The following NDUFA10 variants were observed in gnomAD, a reference collection of about 807,000 sequenced individuals.
The protein encoded by NDUFA10 is NADH dehydrogenase [ubiquinone] 1 alpha subcomplex subunit 10, mitochondrial.
In NDUFA10, 40 loss-of-function variants were observed where a neutral mutation model predicts 47.8. The ratio of observed to expected loss-of-function variants is 0.84; its 90% CI spans 0.65 to 1.09. The LOEUF (loss-of-function observed/expected upper bound fraction) is 1.09, where lower values mean the gene tolerates loss of function less well. NDUFA10 is among the 50% of genes least tolerant of loss of function. The probability of loss-of-function intolerance (pLI) is 0.00; values close to 1 mark genes in which losing one functional copy is unlikely to be tolerated. For synonymous variants in NDUFA10, 183 were observed against 172.2 expected, an observed-to-expected ratio of 1.06 and a Z score of -0.49; for missense variants, 413 against 451.1, an observed-to-expected ratio of 0.92 and a Z score of 0.76.
rs7598688 is a variant in NDUFA10 at position 239,945,210 on chromosome 2, C to A, written c.294+44864G>T. On this transcript the variant is annotated intron_variant, in intron 4 of 5. Coordinates refer to the NDUFA10 transcript ENST00000419408. The surrounding 1 kb of genome is among the most constrained non-coding windows in gnomAD (Gnocchi z 4.6). Reference sequence around the variant, plus strand: ...AATGACAAGCCACTTCTCAGGTCACCGGCAGGCGTTGAGCAGGCCGCTCTG... The same window carrying A: ...AATGACAAGCCACTTCTCAGGTCACAGGCAGGCGTTGAGCAGGCCGCTCTG... Among the ~76,000 whole-genome samples, 4,056 of 152,282 alleles carry A rather than the reference C, an allele frequency of 0.027. 184 individuals carry two copies. The highest frequency in any genetic ancestry group is 0.089 in the African/African-American group (3,716 of 41,538).
chr2:239,948,233 A>C (rs1694490535), intron 4 of NDUFA10, among the ~76,000 whole-genome samples: 1 of 152,220 alleles, frequency 6.6e-6, no homozygotes, highest in Non-Finnish European at 1.5e-5. Flanking sequence ...TCCCAGCCTC[A>C]GCCACGCATT....
At chr2:239,913,067 G>GA (rs34313648) in intron 4 of NDUFA10, among the ~76,000 whole-genome samples, 28,844 of 152,182 alleles carry the variant, frequency 0.19, 3,247 homozygotes, top group African/African-American at 0.31. Context: ...GCCACTCGGG[G>GA]CCACTGCTGA....
intron 4 of NDUFA10, among the ~76,000 whole-genome samples, chr2:239,914,229 CACAA>C (rs1470452088): frequency 6.7e-6 from 1 of 150,160 alleles, no homozygotes; most frequent in African/African-American, 2.5e-5. Flanking sequence ...GACAGAGATA[CACAA>C]ACATACACAC....
At chr2:239,967,047 G>A (rs539268901) in intron 9 of NDUFA10, among the ~76,000 whole-genome samples, 17 of 152,048 alleles carry the variant, frequency 1.1e-4, no homozygotes, top group East Asian at 1.9e-4. Flanking sequence ...CAGTTTTCCC[G>A]TCATAAATAA....
At position 240,014,740 on chromosome 2, in the gene NDUFA10, T is replaced by A; in HGVS notation, c.668A>T (p.Asp223Val). 6.2e-7 allele frequency: 1 copy of A among 1,614,098 alleles called. No individual in the cohort carries two copies. Among genetic ancestry groups the A allele is most frequent in the Non-Finnish European group, 8.5e-7 (1 of 1,180,010 alleles). ...GCCTTTGATTGAAAACTGCATTACA[T>A]CTCCTTTCTTCTGAATCCGCCTCTG... The part of the protein sequence containing the change: ...EVQRRIQKKG[D>V]PHEMKITSAY... Residue 223 changes from aspartate (D) to valine (V), a missense_variant and splice_region_variant, in exon 5 of 10, where the codon GAT (aspartate) becomes GTT (valine). Transcript: ENST00000252711.
In NDUFA10 at chr2:239,892,618, G is replaced by A. The variant is rs922898075; in HGVS notation, c.*104C>T. The A allele has an allele frequency of 2.6e-5, 4 of 152,226 alleles. No individual in the cohort carries two copies. The East Asian group carries it at 5.8e-4, about 22-fold the overall frequency. The allele number at this position is 152,226 out of a possible 1,614,324, so 9.4% of individuals were successfully genotyped here. On this transcript the variant is annotated 3_prime_UTR_variant, in exon 6 of 6. Coordinates refer to the NDUFA10 transcript ENST00000419408. Reference sequence around the variant, plus strand: ...CAGGGCTGGGACGCAGACCAGGAACGGATGGAAGCAGGGAAGGGAGAATGC... The same window carrying A: ...CAGGGCTGGGACGCAGACCAGGAACAGATGGAAGCAGGGAAGGGAGAATGC...
At chr2:240,019,008 C>G (rs1697491602) in intron 3 of NDUFA10, among the ~76,000 whole-genome samples, 1 of 152,146 alleles carries the variant, frequency 6.6e-6, no homozygotes, top group African/African-American at 2.4e-5. Context: ...AACCTCACCT[C>G]TGTCCACTCC....
rs1574894060 is a variant in NDUFA10, at chr2:240,016,586, A to G, written c.548-1726T>C. Among the ~76,000 whole-genome samples, 1 of 152,032 alleles carries G rather than the reference A, an allele frequency of 6.6e-6. No homozygotes were observed. The highest frequency in any genetic ancestry group is 2.1e-4 in the South Asian group (1 of 4,810). ...GAGTCACAGCACATGTGACACCAAC[A>G]ACCAACCCTCCCCACATCCCCTCTG... On this transcript the variant is annotated intron_variant, in intron 4 of 9. Coordinates refer to ENST00000252711, the MANE Select transcript of NDUFA10 (RefSeq NM_004544.4). The surrounding 1 kb of genome is among the most constrained non-coding windows in gnomAD (Gnocchi z 4.4).
rs562950328 is a variant in NDUFA10, at chr2:239,961,320, G to C, written c.1000-134C>G. The C allele has an allele frequency of 7.2e-6, 11 of 1,530,250 alleles. No homozygotes were observed. The East Asian group carries it at 2.7e-4, about 37-fold the overall frequency. The allele number at this position is 1,530,250 out of a possible 1,614,324, so 94.8% of individuals were successfully genotyped here. ...AGCAATGCTGGTGAGCACATGATCT[G>C]TGGCAGGTGTCTCCTGTGAGTGCAA... On this transcript the variant is annotated intron_variant, in intron 9 of 9. Transcript: ENST00000252711.
intron 9 of NDUFA10, among the ~76,000 whole-genome samples, chr2:239,966,342 G>A (rs527729275): frequency 6.6e-6 from 1 of 152,336 alleles, no homozygotes; most frequent in South Asian, 2.1e-4. Context: ...GAGCAGGGTG[G>A]GCTTCCATTC....
intron 9 of NDUFA10, among the ~76,000 whole-genome samples, chr2:239,970,104 T>C (rs1358079372): frequency 6.6e-6 from 1 of 151,982 alleles, no homozygotes; most frequent in Non-Finnish European, 1.5e-5. Flanking sequence ...AATTAAATTA[T>C]GAAAAACTAG....
At chr2:239,982,224 A>G (rs750973540) in intron 9 of NDUFA10, 2 of 1,612,780 alleles carry the variant, frequency 1.2e-6, no homozygotes, top group Non-Finnish European at 1.7e-6. Flanking sequence ...CCCCAGCTAC[A>G]AGGTTAGACG....
chr2:239,966,147 G>T (rs1695049993), intron 9 of NDUFA10, among the ~76,000 whole-genome samples: 1 of 152,224 alleles, frequency 6.6e-6, no homozygotes, highest in Admixed American at 6.5e-5. Flanking sequence ...GTGTTCCAGG[G>T]CGAGGCCTGG....
At chr2:239,929,378 G>T (rs770742286) in intron 4 of NDUFA10, among the ~76,000 whole-genome samples, 2 of 152,188 alleles carry the variant, frequency 1.3e-5, no homozygotes, top group Non-Finnish European at 2.9e-5. Flanking sequence ...CATTTCTCTT[G>T]TGGTCTCAGG....
intron 9 of NDUFA10, among the ~76,000 whole-genome samples, chr2:239,986,494 G>T (rs1175218526): frequency 1.3e-5 from 2 of 152,168 alleles, no homozygotes; most frequent in African/African-American, 4.8e-5. Flanking sequence ...TGTTGCACTG[G>T]AACTGAAGAC....
At chr2:239,951,225 G>A (rs962915776) in intron 4 of NDUFA10, among the ~76,000 whole-genome samples, 2 of 152,232 alleles carry the variant, frequency 1.3e-5, no homozygotes, top group African/African-American at 4.8e-5. Flanking sequence ...GCAGCGATGG[G>A]ACCCGGGGTG....
At chr2:239,956,339 G>A (rs1023035612), downstream of NDUFA10, among the ~76,000 whole-genome samples, 5 of 152,230 alleles carry the variant, frequency 3.3e-5, no homozygotes, top group African/African-American at 1.2e-4. Context: ...CACGGGATGA[G>A]GCCATGACCA....
chr2:239,898,342 C>G (rs1177643729), intron 4 of NDUFA10, among the ~76,000 whole-genome samples: 2 of 152,228 alleles, frequency 1.3e-5, no homozygotes, highest in Non-Finnish European at 2.9e-5. Flanking sequence ...TCAGCCTGCG[C>G]CCGGGGCTGT....
Position 239,987,885 on chromosome 2 carries a change from C to G in NDUFA10, c.999+2189G>C, listed in dbSNP as rs1696068966. 6.6e-6 allele frequency among the ~76,000 whole-genome samples: 1 copy of G among 151,792 alleles called. No individual in the cohort carries two copies. Among genetic ancestry groups the G allele is most frequent in the African/African-American group, 2.4e-5 (1 of 41,266 alleles). On this transcript the variant is annotated intron_variant, in intron 9 of 9. Coordinates refer to ENST00000252711, the MANE Select transcript of NDUFA10 (RefSeq NM_004544.4). The surrounding 1 kb of genome is among the most constrained non-coding windows in gnomAD (Gnocchi z 4.8). ...AACTGGAAAGCTAATTGATCTTCAA[C>G]ATCATTAAACCAAAGATAAATATTT... is the stretch of plus-strand genomic sequence containing the variant.
Sources: allele counts gnomAD v4.1 joint callset (sites outside exome capture counted in the v4.1 genomes callset), GRCh38; gene constraint gnomAD v4.1.1; non-coding constraint Gnocchi (gnomAD v3.1); transcripts MANE v1.5; gene names NCBI Gene and HGNC (gene_info 2026-07-23, HGNC 2026-07-21).